ASCC3: variants seen among roughly 807,000 people sequenced by gnomAD.
ASCC3 encodes activating signal cointegrator 1 complex subunit 3.
Under a neutral mutation model 256.3 loss-of-function variants are expected in ASCC3, and 158 were observed. That is an observed-to-expected ratio of 0.62 (90% confidence interval 0.54 to 0.70). The LOEUF is 0.70. ASCC3 is among the 30% of genes least tolerant of loss of function. The probability of loss-of-function intolerance (pLI) is 0.00; values close to 1 mark genes in which losing one functional copy is unlikely to be tolerated. For missense variants in ASCC3, 2,259 were observed against 2,626.0 expected, an observed-to-expected ratio of 0.86 and a Z score of 3.05; for synonymous variants, 948 against 883.4, an observed-to-expected ratio of 1.07 and a Z score of -1.30.
At chr6:100,633,435 A>G (rs896418510) in intron 25 of ASCC3, among the ~76,000 whole-genome samples, 1 of 152,144 alleles carries the variant, frequency 6.6e-6, no homozygotes, top group African/African-American at 2.4e-5. Context: ...TTTGCCAAGG[A>G]GAAGACAAAG....
At position 100,548,084 on chromosome 6, in the gene ASCC3, T is replaced by C. The variant is rs111758898; in HGVS notation, c.5551-7697A>G. 1.0e-2 allele frequency among the ~76,000 whole-genome samples: 1,510 copies of C among 151,338 alleles called. 14 individuals are homozygous for C. Among genetic ancestry groups the C allele is most frequent in the Middle Eastern group, 0.041 (12 of 292 alleles). On this transcript the variant is annotated intron_variant, in intron 36 of 41. Coordinates refer to ENST00000369162, the MANE Select transcript of ASCC3 (RefSeq NM_006828.4). ...TACATACACTAGGATTTCATTTATATCCTACTCTAGAAAATGCAAATGAAT... is the reference window on the plus strand; with the variant it reads ...TACATACACTAGGATTTCATTTATACCCTACTCTAGAAAATGCAAATGAAT...
chr6:100,863,010 C>T (rs1408178192), intron 3 of ASCC3, among the ~76,000 whole-genome samples: 1 of 152,038 alleles, frequency 6.6e-6, no homozygotes, highest in Non-Finnish European at 1.5e-5. Flanking sequence ...GTGTTTGACA[C>T]AGTAATGAAG....
At chr6:100,782,150 C>T (rs558177366) in intron 8 of ASCC3, among the ~76,000 whole-genome samples, 1 of 152,084 alleles carries the variant, frequency 6.6e-6, no homozygotes, top group African/African-American at 2.4e-5. Context: ...CTCTACTATA[C>T]ATAACAGAGT....
At chr6:100,657,952 G>T (rs1165718062) in intron 16 of ASCC3, among the ~76,000 whole-genome samples, 2 of 151,386 alleles carry the variant, frequency 1.3e-5, no homozygotes, top group Non-Finnish European at 3.0e-5. Flanking sequence ...TATAAAACAG[G>T]AATTTTTTCA....
chr6:100,547,955 T>A (rs1260385964), intron 36 of ASCC3, among the ~76,000 whole-genome samples: 1 of 151,830 alleles, frequency 6.6e-6, no homozygotes, highest in Non-Finnish European at 1.5e-5. Context: ...CAATGGAATT[T>A]TAGCAATAAA....
chr6:100,555,136 A>G (rs1358345327), intron 36 of ASCC3, among the ~76,000 whole-genome samples: 1 of 151,970 alleles, frequency 6.6e-6, no homozygotes, highest in East Asian at 1.9e-4. Flanking sequence ...TAAAAAAAAA[A>G]TAGCCCTATG....
intron 36 of ASCC3, among the ~76,000 whole-genome samples, chr6:100,582,721 G>T (rs2114752448): frequency 6.6e-6 from 1 of 151,986 alleles, no homozygotes; most frequent in South Asian, 2.1e-4. Context: ...TTGGCTGTGG[G>T]TTTGTCATAG....
chr6:100,862,319 T>C (rs1371658601), intron 3 of ASCC3, among the ~76,000 whole-genome samples: 1 of 152,202 alleles, frequency 6.6e-6, no homozygotes, highest in Non-Finnish European at 1.5e-5. Flanking sequence ...AAGATCTAAC[T>C]GTACAAACAT....
chr6:100,741,487 G>C (rs143151981), intron 10 of ASCC3, among the ~76,000 whole-genome samples: 1 of 152,130 alleles, frequency 6.6e-6, no homozygotes, highest in Non-Finnish European at 1.5e-5. Flanking sequence ...TTCCAACTTG[G>C]TTCCATTCTC....
chr6:100,587,235 C>A (rs1771748286), intron 36 of ASCC3, among the ~76,000 whole-genome samples: 1 of 151,516 alleles, frequency 6.6e-6, no homozygotes, highest in African/African-American at 2.4e-5. Context: ...GATTAATATG[C>A]ATTTTTGGAG....
At chr6:100,722,839 T>C (rs1410182243) in intron 11 of ASCC3, among the ~76,000 whole-genome samples, 1 of 151,806 alleles carries the variant, frequency 6.6e-6, no homozygotes, top group Non-Finnish European at 1.5e-5. Flanking sequence ...AGCACACAGT[T>C]CATTCTCACT....
intron 37 of ASCC3, among the ~76,000 whole-genome samples, chr6:100,535,694 C>G (rs1475839510): frequency 2.6e-5 from 4 of 151,906 alleles, no homozygotes; most frequent in Admixed American, 2.0e-4. Flanking sequence ...GTCTTGAACT[C>G]CTGACCTTGT....
chr6:100,793,003 T>A (rs1329722453), intron 8 of ASCC3, among the ~76,000 whole-genome samples: 1 of 152,030 alleles, frequency 6.6e-6, no homozygotes, highest in Non-Finnish European at 1.5e-5. Context: ...ATTTATGCTA[T>A]TCAGCTACTT....
chr6:100,875,381 T>C (rs1773949795), intron 1 of ASCC3, among the ~76,000 whole-genome samples: 1 of 152,198 alleles, frequency 6.6e-6, no homozygotes, highest in African/African-American at 2.4e-5. Context: ...AATTATGGGC[T>C]ATCAAGTGGG....
rs558276906 is a variant in ASCC3 at position 100,685,768 on chromosome 6, G to T, written c.2152-6016C>A. The stretch of plus-strand genomic sequence containing the variant: ...TAGGCACAGAATAGTTTCTGCTGCT[G>T]TGATTACATTACCACATTTGTATTA... On this transcript the variant is annotated intron_variant, in intron 13 of 41. Transcript: ENST00000369162. 3.2e-4 allele frequency among the ~76,000 whole-genome samples: 49 copies of T among 152,334 alleles called. No homozygotes were observed. In the South Asian group the frequency reaches 9.8e-3, roughly 30 times the overall value.
intron 13 of ASCC3, among the ~76,000 whole-genome samples, chr6:100,699,327 G>A (rs554244750): frequency 5.6e-4 from 85 of 152,176 alleles, no homozygotes; most frequent in African/African-American, 1.9e-3. Context: ...TTTTAAAAAC[G>A]GGAGATTCCC....
intron 30 of ASCC3, among the ~76,000 whole-genome samples, chr6:100,620,060 G>A (rs947750332): frequency 2.6e-5 from 4 of 152,128 alleles, no homozygotes; most frequent in African/African-American, 9.7e-5. Flanking sequence ...AGGAGTGAAA[G>A]GGCCATAGTG....
chr6:100,846,383 A>G (rs954530633), intron 4 of ASCC3, among the ~76,000 whole-genome samples: 1 of 152,234 alleles, frequency 6.6e-6, no homozygotes, highest in Non-Finnish European at 1.5e-5. Flanking sequence ...ATATACGAAC[A>G]GGAAAACCAA....
At chr6:100,667,275 A>G (rs995392968) in intron 14 of ASCC3, among the ~76,000 whole-genome samples, 2 of 152,148 alleles carry the variant, frequency 1.3e-5, no homozygotes, top group African/African-American at 2.4e-5. Flanking sequence ...TAAATGGGGA[A>G]AGGTAGGCAG....
Sources: allele counts gnomAD v4.1 joint callset (sites outside exome capture counted in the v4.1 genomes callset), GRCh38; gene constraint gnomAD v4.1.1; transcripts MANE v1.5; gene names NCBI Gene and HGNC (gene_info 2026-07-23, HGNC 2026-07-21).